The following MARCHF8 variants were observed in gnomAD, a reference collection of about 807,000 sequenced individuals.
MARCHF8 encodes E3 ubiquitin-protein ligase MARCHF8.
Under a neutral mutation model 51.6 loss-of-function variants are expected in MARCHF8, and 40 were observed. The ratio of observed to expected loss-of-function variants is 0.77; its 90% CI spans 0.60 to 1.01. The LOEUF is 1.01. Among genes scored for constraint, MARCHF8 ranks in the 50% least tolerant of loss-of-function variants. The pLI is 0.00. For synonymous variants in MARCHF8, 263 were observed against 280.3 expected (o/e 0.94, Z 0.62); for missense variants, 685 against 708.6 (o/e 0.97, Z 0.38).
At chr10:45,487,948 T>C (rs561272790) in intron 3 of MARCHF8, among the ~76,000 whole-genome samples, 87 of 152,074 alleles carry the variant, frequency 5.7e-4, no homozygotes, top group Non-Finnish European at 1.0e-3. Context: ...GCCAAAAACA[T>C]GGGGAAAAGG....
chr10:45,586,784 T>TA (rs2044623106), intron 1 of MARCHF8, among the ~76,000 whole-genome samples: 1 of 152,082 alleles, frequency 6.6e-6, no homozygotes, highest in African/African-American at 2.4e-5. Flanking sequence ...ATTTTTTTTT[T>TA]ACCGATTTTG....
chr10:45,510,578 A>G (rs1055265386), intron 2 of MARCHF8, among the ~76,000 whole-genome samples: 2 of 152,164 alleles, frequency 1.3e-5, no homozygotes, highest in Non-Finnish European at 2.9e-5. Flanking sequence ...TATTTCAACA[A>G]ACTAAGGTAA....
rs187306193 is a variant in MARCHF8 at position 45,525,707 on chromosome 10, T to C, written c.102+7403A>G. 5.2e-4 allele frequency among the ~76,000 whole-genome samples: 79 copies of C among 152,318 alleles called. 1 individual carries two copies. The highest frequency in any genetic ancestry group is 1.4e-3 in the African/African-American group (58 of 41,566). ...GAAAATCAGTCATAAATCATGTTGA[T>C]AGTATACTCGATCTGTTGTGATGAA... On this transcript the variant is annotated intron_variant, in intron 2 of 7. Transcript: ENST00000453424.
intron 3 of MARCHF8, among the ~76,000 whole-genome samples, chr10:45,470,458 C>G (rs1280417693): frequency 6.6e-6 from 1 of 152,180 alleles, no homozygotes; most frequent in Non-Finnish European, 1.5e-5. Context: ...AGTCAGAGAA[C>G]GTTCTCTGCT....
At chr10:45,558,829 T>C (rs2044280031) in intron 1 of MARCHF8, among the ~76,000 whole-genome samples, 1 of 152,216 alleles carries the variant, frequency 6.6e-6, no homozygotes, top group Admixed American at 6.5e-5. Context: ...ATTAACTGTT[T>C]TATAATTATG....
exon 1 of MARCHF8, chr10:45,594,711 A>AGCG (rs2133457160): frequency 6.7e-6 from 1 of 148,362 alleles, no homozygotes; most frequent in African/African-American, 2.5e-5. Flanking sequence ...ATTGGCGGCC[A>AGCG]GCGGCGGCGG....
At chr10:45,499,350 T>A (rs2043234466) in intron 2 of MARCHF8, among the ~76,000 whole-genome samples, 1 of 152,206 alleles carries the variant, frequency 6.6e-6, no homozygotes, top group Admixed American at 6.5e-5. Context: ...CTTTATCAGA[T>A]ATATGATTTG....
At chr10:45,590,908 A>G (rs1467259727) in intron 1 of MARCHF8, among the ~76,000 whole-genome samples, 1 of 152,184 alleles carries the variant, frequency 6.6e-6, no homozygotes, top group Non-Finnish European at 1.5e-5. Flanking sequence ...GCAACTGAAG[A>G]TCCACAAAAG....
intron 2 of MARCHF8, among the ~76,000 whole-genome samples, chr10:45,522,720 T>A (rs11239548): frequency 0.32 from 48,754 of 151,940 alleles, 8,009 homozygotes; most frequent in Admixed American, 0.37. Flanking sequence ...CTCTGCTTTT[T>A]AAAAAACAGG....
At chr10:45,539,061 G>C (rs571550441), upstream of MARCHF8, among the ~76,000 whole-genome samples, 581 of 152,266 alleles carry the variant, frequency 3.8e-3, 3 homozygotes, top group African/African-American at 0.013. Flanking sequence ...TGACCACATA[G>C]TTGGAAGTAA....
chr10:45,483,958 TTAGA>T (rs1388548096), intron 3 of MARCHF8, among the ~76,000 whole-genome samples: 20 of 152,130 alleles, frequency 1.3e-4, no homozygotes, highest in African/African-American at 9.7e-5. Flanking sequence ...AAAAATACAG[TTAGA>T]TAGTCACAAT....
At chr10:45,591,618 C>T (rs926911963) in intron 1 of MARCHF8, among the ~76,000 whole-genome samples, 4 of 152,060 alleles carry the variant, frequency 2.6e-5, no homozygotes, top group African/African-American at 4.8e-5. Context: ...CTCTTATATG[C>T]GTGACACATT....
intron 3 of MARCHF8, among the ~76,000 whole-genome samples, chr10:45,468,129 T>A (rs1207780563): frequency 6.6e-6 from 1 of 152,238 alleles, no homozygotes; most frequent in Non-Finnish European, 1.5e-5. Context: ...TTTTGCTACA[T>A]CCAAGTCTTT....
chr10:45,537,939 T>C (rs913254211), upstream of MARCHF8, among the ~76,000 whole-genome samples: 10 of 151,980 alleles, frequency 6.6e-5, no homozygotes, highest in East Asian at 7.7e-4. Context: ...AGGACTAAGA[T>C]AGATAGAGAA....
intron 2 of MARCHF8, among the ~76,000 whole-genome samples, chr10:45,519,334 A>G (rs965234717): frequency 1.2e-4 from 18 of 152,204 alleles, no homozygotes; most frequent in African/African-American, 3.1e-4. Context: ...TACAGATGCT[A>G]GTTTCTTGTA....
upstream of MARCHF8, among the ~76,000 whole-genome samples, chr10:45,538,623 T>C (rs538762246): frequency 1.3e-5 from 2 of 152,122 alleles, no homozygotes; most frequent in East Asian, 3.9e-4. Context: ...TGGAGGAAGA[T>C]CTACCAAGCA....
At chr10:45,487,433 C>T (rs1166436630) in intron 3 of MARCHF8, among the ~76,000 whole-genome samples, 2 of 152,196 alleles carry the variant, frequency 1.3e-5, no homozygotes, top group Admixed American at 6.5e-5. Context: ...ACATGTGTTA[C>T]TGAGCGTTTT....
At chr10:45,520,381 T>C (rs2043687324) in intron 2 of MARCHF8, among the ~76,000 whole-genome samples, 1 of 152,216 alleles carries the variant, frequency 6.6e-6, no homozygotes, top group Admixed American at 6.5e-5. Flanking sequence ...ATTTAAACCA[T>C]CTGTGAATAC....
intron 1 of MARCHF8, among the ~76,000 whole-genome samples, chr10:45,558,423 A>C (rs535251684): frequency 6.6e-6 from 1 of 152,354 alleles, no homozygotes; most frequent in African/African-American, 2.4e-5. Flanking sequence ...TGATAGTGGT[A>C]TTGTGTGATT....
Sources: gnomAD v4.1 joint callset for allele counts (sites outside exome capture counted in the v4.1 genomes callset) on GRCh38, gnomAD v4.1.1 for gene constraint, MANE v1.5 for transcripts, NCBI Gene and HGNC (gene_info 2026-07-23, HGNC 2026-07-21) for gene names.